The following PLCB1 variants were observed in gnomAD, a reference collection of about 807,000 sequenced individuals.
The protein encoded by PLCB1 is 1-phosphatidylinositol 4,5-bisphosphate phosphodiesterase beta-1.
PLCB1 carries 46 observed loss-of-function variants against 161.8 expected under a neutral mutation model. The observed-to-expected ratio is 0.28, with a 90% CI of 0.22 to 0.36. The LOEUF (loss-of-function observed/expected upper bound fraction) is 0.36. Among genes scored for constraint, PLCB1 ranks in the 10% least tolerant of loss-of-function variants. PLCB1 has a pLI of 1.00. For synonymous variants in PLCB1, 517 were observed against 503.7 expected, an observed-to-expected ratio of 1.03 and a Z score of -0.35; for missense variants, 1,016 against 1,472.5, an observed-to-expected ratio of 0.69 and a Z score of 5.07.
intron 3 of PLCB1, among the ~76,000 whole-genome samples, chr20:8,584,418 G>C (rs1219937100): frequency 6.6e-6 from 1 of 151,718 alleles, no homozygotes; most frequent in Non-Finnish European, 1.5e-5. Context: ...ATAGAGTACA[G>C]TGAGTAAATT....
chr20:8,328,299 C>A (rs547308900), intron 2 of PLCB1, among the ~76,000 whole-genome samples: 1 of 151,956 alleles, frequency 6.6e-6, no homozygotes, highest in South Asian at 2.1e-4. Context: ...TCTCATTTGT[C>A]TTGCTGAATG....
intron 12 of PLCB1, among the ~76,000 whole-genome samples, chr20:8,711,398 G>T (rs769206149): frequency 6.6e-6 from 1 of 152,200 alleles, no homozygotes; most frequent in Non-Finnish European, 1.5e-5. Flanking sequence ...ACTAATTTCT[G>T]CACTGTGCCT....
At chr20:8,334,105 A>C (rs1985472695) in intron 2 of PLCB1, among the ~76,000 whole-genome samples, 1 of 152,106 alleles carries the variant, frequency 6.6e-6, no homozygotes, top group Admixed American at 6.5e-5. Flanking sequence ...GCTACTTGGG[A>C]GGCTGAGGCA....
intron 7 of PLCB1, among the ~76,000 whole-genome samples, chr20:8,654,900 C>T (rs1989414375): frequency 6.6e-6 from 1 of 152,042 alleles, no homozygotes; most frequent in South Asian, 2.1e-4. Context: ...CCTTTCATCT[C>T]AGCATTTAAT....
chr20:8,301,860 G>T (rs1983925954), intron 2 of PLCB1, among the ~76,000 whole-genome samples: 1 of 152,260 alleles, frequency 6.6e-6, no homozygotes, highest in Non-Finnish European at 1.5e-5. Flanking sequence ...CAGGAGTTAG[G>T]ATCTGGTGGT....
intron 3 of PLCB1, among the ~76,000 whole-genome samples, chr20:8,407,412 G>A (rs1339130685): frequency 6.6e-6 from 1 of 152,100 alleles, no homozygotes; most frequent in East Asian, 1.9e-4. Context: ...CCCAAAACTT[G>A]GAACAAAAAG....
At chr20:8,753,937 T>C (rs1019817337) in intron 23 of PLCB1, among the ~76,000 whole-genome samples, 1 of 152,140 alleles carries the variant, frequency 6.6e-6, no homozygotes, top group African/African-American at 2.4e-5. Context: ...TGCCTATTAC[T>C]CTACAGTGTG....
chr20:8,382,550 C>CTT (rs547236512), intron 3 of PLCB1, among the ~76,000 whole-genome samples: 5 of 129,424 alleles, frequency 3.9e-5, no homozygotes, highest in Non-Finnish European at 4.9e-5. Context: ...CTCAAAGTGT[C>CTT]TTTTTTTTTT....
At chr20:8,627,797 C>T (rs539317221) in intron 3 of PLCB1, among the ~76,000 whole-genome samples, 5 of 152,318 alleles carry the variant, frequency 3.3e-5, no homozygotes, top group African/African-American at 1.2e-4. Context: ...TACGATTTTG[C>T]TCACGCTAAT....
In PLCB1 at chr20:8,211,672, C is replaced by T. The variant is rs145855267; in HGVS notation, c.177+61301C>T. On this transcript the variant is annotated intron_variant, in intron 2 of 31. Transcript: ENST00000338037. ...TATAGACTGTGTTGTTTTGAGTTGCCGAGATTCCTTAAATTTTACTTAGTT... is the reference window on the plus strand; with the variant it reads ...TATAGACTGTGTTGTTTTGAGTTGCTGAGATTCCTTAAATTTTACTTAGTT... 4.8e-3 allele frequency among the ~76,000 whole-genome samples: 735 copies of T among 152,020 alleles called. 9 individuals carry two copies. The highest frequency in any genetic ancestry group is 0.017 in the African/African-American group (687 of 41,490).
intron 2 of PLCB1, among the ~76,000 whole-genome samples, chr20:8,153,866 A>G (rs1311288339): frequency 1.3e-5 from 2 of 152,174 alleles, no homozygotes; most frequent in East Asian, 3.9e-4. Flanking sequence ...GTTTGCATGA[A>G]GAACTCCCAT....
chr20:8,179,016 G>T (rs2051811382), intron 2 of PLCB1, among the ~76,000 whole-genome samples: 1 of 152,146 alleles, frequency 6.6e-6, no homozygotes, highest in African/African-American at 2.4e-5. Context: ...ACAGTACCAT[G>T]CTGTTTTCGT....
Position 8,469,292 on chromosome 20 carries a change from T to C in PLCB1, c.246+97842T>C, listed in dbSNP as rs80085211. Among the ~76,000 whole-genome samples, 15 of 152,306 alleles carry C rather than the reference T, an allele frequency of 9.8e-5. No homozygotes were observed. The East Asian group carries it at 2.3e-3, about 24-fold the overall frequency. The stretch of plus-strand genomic sequence containing the variant: ...AGAACTTAAGAATACTCAGATTATA[T>C]ATAGGAGAACAAAGTATGCTTAGAT... On this transcript the variant is annotated intron_variant, in intron 3 of 31. Transcript: ENST00000338037.
chr20:8,724,868 C>T (rs1979847932), intron 16 of PLCB1, 116 bp downstream of exon 16: 1 of 622,152 alleles, frequency 1.6e-6, no homozygotes, highest in East Asian at 2.8e-5. Flanking sequence ...CTTTTGAAGT[C>T]TTAAATATAT....
intron 31 of PLCB1, among the ~76,000 whole-genome samples, chr20:8,876,932 C>T (rs1987802131): frequency 2.6e-5 from 4 of 152,116 alleles, no homozygotes. Context: ...TTCTCCTAGA[C>T]AGAACCAAAT....
At chr20:8,490,444 G>T (rs1423333323) in intron 3 of PLCB1, among the ~76,000 whole-genome samples, 2 of 152,122 alleles carry the variant, frequency 1.3e-5, no homozygotes, top group Non-Finnish European at 1.5e-5. Flanking sequence ...GGTTAATAGG[G>T]TATTATTTTA....
intron 31 of PLCB1, among the ~76,000 whole-genome samples, chr20:8,825,882 T>C (rs997664381): frequency 6.6e-6 from 1 of 152,078 alleles, no homozygotes; most frequent in Non-Finnish European, 1.5e-5. Context: ...AAACAGGGCC[T>C]GGAGCCGGAT....
chr20:8,323,559 A>T (rs1049085030), intron 2 of PLCB1, among the ~76,000 whole-genome samples: 1 of 152,118 alleles, frequency 6.6e-6, no homozygotes, highest in African/African-American at 2.4e-5. Context: ...GGATGGATTC[A>T]GGATAGTAGG....
chr20:8,579,550 T>A (rs1458134361), intron 3 of PLCB1, among the ~76,000 whole-genome samples: 1 of 152,378 alleles, frequency 6.6e-6, no homozygotes, highest in East Asian at 1.9e-4. Flanking sequence ...GATTTCTCAA[T>A]ATTCAAATAT....
Sources: allele counts gnomAD v4.1 joint callset (sites outside exome capture counted in the v4.1 genomes callset), GRCh38; gene constraint gnomAD v4.1.1; transcripts MANE v1.5; gene names NCBI Gene and HGNC (gene_info 2026-07-23, HGNC 2026-07-21).